Variants in VKORC1 observed in about 807,000 individuals in gnomAD.
VKORC1 encodes vitamin K epoxide reductase complex subunit 1.
VKORC1 carries 12 observed loss-of-function variants against 14.8 expected under a neutral mutation model. The observed-to-expected ratio is 0.81, with a 90% confidence interval of 0.52 to 1.31. The LOEUF is 1.31. VKORC1 is among the 50% of genes most tolerant of loss of function. The pLI is 0.00. For synonymous variants in VKORC1, 94 were observed against 92.5 expected (o/e 1.02, Z -0.09); for missense variants, 223 against 215.3 (o/e 1.04, Z -0.22).
chr16:31,094,156 G>A, intron 1 of VKORC1: 1 of 1,554,218 alleles, frequency 6.4e-7, no homozygotes. Flanking sequence ...CCGTCATTAT[G>A]CTAACGCCTG....
intron 1 of VKORC1, chr16:31,093,726 T>TTTTTTA: frequency 5.0e-6 from 2 of 403,262 alleles, no homozygotes; most frequent in African/African-American, 2.2e-5. Context: ...TTTTTTTTTT[T>TTTTTTA]GAGACGGAGT....
intron 2 of VKORC1, chr16:31,092,753 C>T: frequency 7.8e-7 from 1 of 1,279,054 alleles, no homozygotes; most frequent in South Asian, 1.3e-5. Flanking sequence ...TTCCACAAAA[C>T]TGGGGTGTTG....
Position 31,094,683 on chromosome 16 carries a change from C to T in VKORC1, c.47G>A (p.Cys16Tyr). ...GAGCGAGAGCACTAAGCCCGTCAGG[C>T]AAAGAGCGAGCCGCACCCAGCCAGG... is the stretch of plus-strand genomic sequence containing the variant. ...GSPGWVRLAL[C>Y]LTGLVLSLYA... is the part of the protein sequence containing the mutation. The change falls in exon 1 of 3, where the codon TGC becomes TAC. Residue 16 changes from cysteine (C) to tyrosine (Y), a missense_variant. By Grantham distance (194) the Cys-to-Tyr change is radical. Coordinates refer to ENST00000394975, the MANE Select transcript of VKORC1 (RefSeq NM_024006.6). 1 of 1,608,060 alleles carries T rather than the reference C, an allele frequency of 6.2e-7. No homozygotes were observed. The highest frequency in any genetic ancestry group is 8.5e-7 in the Non-Finnish European group (1 of 1,178,856).
At chr16:31,092,735 G>A (rs757369199) in intron 2 of VKORC1, 318 of 1,274,756 alleles carry the variant, frequency 2.5e-4, no homozygotes, top group Admixed American at 3.2e-4. Context: ...AAGGAATTTC[G>A]GCATCTTTTC....
At chr16:31,091,961 C>T (rs767393255) in intron 2 of VKORC1, among the ~76,000 whole-genome samples, 4 of 151,988 alleles carry the variant, frequency 2.6e-5, no homozygotes, top group Admixed American at 6.6e-5. Flanking sequence ...GGATGGATCA[C>T]CAGGTCAAGA....
At chr16:31,092,635 C>G (rs2057296979) in intron 2 of VKORC1, 1 of 1,145,896 alleles carries the variant, frequency 8.7e-7, no homozygotes, top group African/African-American at 1.7e-5. Flanking sequence ...TCCCTTGGTT[C>G]CTCTCTCTGT....
Position 31,093,399 on chromosome 16 carries a change from C to T in VKORC1, c.196G>A (p.Val66Met), listed in dbSNP as rs72547529. ...CTGTCCTGTCCCAGCACATGCTCCA[C>T]CAGCCCGAAACCCCTGCCCCACCTG... is the stretch of plus-strand genomic sequence containing the variant. Reference protein sequence around the residue: ...SSRWGRGFGLVEHVLGQDSIL... With the variant: ...SSRWGRGFGLMEHVLGQDSIL... The change falls in exon 2 of 3, where the codon GTG becomes ATG. Residue 66 changes from valine (V) to methionine (M), a missense_variant. Coordinates refer to ENST00000394975, the MANE Select transcript of VKORC1 (RefSeq NM_024006.6). The T allele has an allele frequency of 1.5e-4, 243 of 1,614,158 alleles. No individual in the cohort carries two copies. In the African/African-American group the frequency reaches 2.8e-3, roughly 19 times the overall value.
rs1371391858 is a variant in VKORC1 at position 31,094,760 on chromosome 16, G to A, written c.-31C>T. On this transcript the variant is annotated 5_prime_UTR_variant, in exon 1 of 3. Transcript: ENST00000394975. ...CCAGGTTCCGCCCGAGGCGCCCGCGGAGAAAACCAGCCACGGAGCAGGGGC... is the reference window on the plus strand; with the variant it reads ...CCAGGTTCCGCCCGAGGCGCCCGCGAAGAAAACCAGCCACGGAGCAGGGGC... 1.9e-6 allele frequency: 3 copies of A among 1,573,176 alleles called. No individual in the cohort carries two copies. The highest frequency in any genetic ancestry group is 2.3e-5 in the South Asian group (2 of 87,180).
In VKORC1 at chr16:31,094,654, C is replaced by G. The variant is rs770703948; in HGVS notation, c.76G>C (p.Ala26Pro). 6.2e-7 allele frequency: 1 copy of G among 1,607,484 alleles called. No homozygotes were observed. Residue 26 changes from alanine to proline, a missense_variant, in exon 1 of 3, where the codon GCG (alanine) becomes CCG (proline). Ala to Pro is a conservative substitution (Grantham distance 27). Coordinates refer to ENST00000394975, the MANE Select transcript of VKORC1 (RefSeq NM_024006.6). ...CLTGLVLSLY[A>P]LHVKAARARD... ...GCGCGCGCCGCCTTCACGTGCAGCG[C>G]GTAGAGCGAGAGCACTAAGCCCGTC...
intron 2 of VKORC1, among the ~76,000 whole-genome samples, chr16:31,092,228 T>C (rs1195174777): frequency 7.5e-6 from 1 of 134,144 alleles, no homozygotes; most frequent in Non-Finnish European, 1.6e-5. Context: ...GTGACATGCC[T>C]ATAGTCCTAG....
At position 31,094,672 on chromosome 16, in the gene VKORC1, A is replaced by G. The variant is rs1438822677; in HGVS notation, c.58T>C (p.Leu20=). Residue 20 remains leucine, a synonymous_variant, in exon 1 of 3, where the codon TTA becomes CTA. Transcript: ENST00000394975. The part of the protein sequence containing the change: ...WVRLALCLTG[L]VLSLYALHVK... Reference sequence around the variant, plus strand: ...TGCAGCGCGTAGAGCGAGAGCACTAAGCCCGTCAGGCAAAGAGCGAGCCGC... The same window carrying G: ...TGCAGCGCGTAGAGCGAGAGCACTAGGCCCGTCAGGCAAAGAGCGAGCCGC... 1 of 1,608,048 alleles carries G rather than the reference A, an allele frequency of 6.2e-7. No individual in the cohort carries two copies. Among genetic ancestry groups the G allele is most frequent in the Non-Finnish European group, 8.5e-7 (1 of 1,178,816 alleles).
In VKORC1 at chr16:31,094,614, T is replaced by C; in HGVS notation, c.116A>G (p.Tyr39Cys). ...GGTGCCCACGTCGCAGAGCGCGCGG[T>C]AATCCCGGTCCCGGGCGCGCGCCGC... The part of the protein sequence containing the change: ...VKAARARDRD[Y>C]RALCDVGTAI... Residue 39 changes from tyrosine (Y) to cysteine (C), a missense_variant, in exon 1 of 3, where the codon TAC (tyrosine) becomes TGC (cysteine). By Grantham distance (194) the Tyr-to-Cys change is radical (BLOSUM62 -2). Transcript: ENST00000394975. 1 of 1,607,792 alleles carries C rather than the reference T, an allele frequency of 6.2e-7. No homozygotes were observed. Among genetic ancestry groups the C allele is most frequent in the African/African-American group, 1.3e-5 (1 of 74,992 alleles).
chr16:31,091,243 A>C lies in VKORC1; in HGVS notation c.383T>G (p.Leu128Arg), dbSNP rs104894542. ...GATACAAACAATGCAGAAATCATAG[A>C]GCACGAAGAACAGGATCCAGGCCAG... ...VYLAWILFFV[L>R]YDFCIVCITT... The change falls in exon 3 of 3, where the codon CTC becomes CGC. Residue 128 changes from leucine to arginine, a missense_variant. By Grantham distance (102) the Leu-to-Arg change is moderately radical. Transcript: ENST00000394975. 1.9e-6 allele frequency: 3 copies of C among 1,614,104 alleles called. No homozygotes were observed. Among genetic ancestry groups the C allele is most frequent in the Non-Finnish European group, 1.7e-6 (2 of 1,180,066 alleles).
At chr16:31,092,718 C>T in intron 2 of VKORC1, 2 of 1,268,864 alleles carry the variant, frequency 1.6e-6, no homozygotes, top group Non-Finnish European at 2.0e-6. Context: ...CTCAGCTTCT[C>T]CTTAAAAAGG....
chr16:31,094,316 C>T, intron 1 of VKORC1: 1 of 1,612,978 alleles, frequency 6.2e-7, no homozygotes, highest in South Asian at 1.1e-5. Flanking sequence ...TATTCCTTGG[C>T]ATCCAATTCA....
At position 31,094,779 on chromosome 16, in the gene VKORC1, C is replaced by A; in HGVS notation, c.-50G>T. 1 of 1,554,610 alleles carries A rather than the reference C, an allele frequency of 6.4e-7. No individual in the cohort carries two copies. On this transcript the variant is annotated 5_prime_UTR_variant, in exon 1 of 3. Coordinates refer to ENST00000394975, the MANE Select transcript of VKORC1 (RefSeq NM_024006.6). ...CCCGCGGAGAAAACCAGCCACGGAG[C>A]AGGGGCCGGGCGGCGAATGGCCGCG... is the stretch of plus-strand genomic sequence containing the variant.
rs570296912 is a variant in VKORC1 at position 31,093,297 on chromosome 16, G to A, written c.283+15C>T. 108 of 1,610,690 alleles carry A rather than the reference G, an allele frequency of 6.7e-5. 1 individual carries two copies. The South Asian group carries it at 1.2e-3, about 18-fold the overall frequency. ...GGCGGGGCGGGGCGGGCAGGGAGGG[G>A]GCGGAGCCACTCACCTAACAATAGC... is the stretch of plus-strand genomic sequence containing the variant. On this transcript the variant is annotated intron_variant, in intron 2 of 2. Transcript: ENST00000394975.
In VKORC1 at chr16:31,094,619, C is replaced by T. The variant is rs759278379; in HGVS notation, c.111G>A (p.Arg37=). The T allele has an allele frequency of 6.2e-6, 10 of 1,607,088 alleles. No homozygotes were observed. In the East Asian group the frequency reaches 1.1e-4, roughly 18 times the overall value. The part of the protein sequence containing the change: ...LHVKAARARD[R]DYRALCDVGT... ...CCACGTCGCAGAGCGCGCGGTAATC[C>T]CGGTCCCGGGCGCGCGCCGCCTTCA... The change falls in exon 1 of 3, where the codon CGG becomes CGA. Residue 37 remains arginine (R), a synonymous_variant. Coordinates refer to ENST00000394975, the MANE Select transcript of VKORC1 (RefSeq NM_024006.6).
intron 1 of VKORC1, chr16:31,093,881 A>C (rs1010377011): frequency 7.2e-5 from 21 of 291,606 alleles, no homozygotes; most frequent in Middle Eastern, 1.1e-3. Flanking sequence ...TAATTTTTCT[A>C]TTTTTGGTAG....
Sources: allele counts gnomAD v4.1 joint callset (sites outside exome capture counted in the v4.1 genomes callset), GRCh38; gene constraint gnomAD v4.1.1; transcripts MANE v1.5; gene names NCBI Gene and HGNC (gene_info 2026-07-23, HGNC 2026-07-21).